The following TNRC18 variants were observed in gnomAD, a reference collection of about 807,000 sequenced individuals.
TNRC18 encodes trinucleotide repeat-containing gene 18 protein.
In TNRC18, 69 loss-of-function variants were observed where a neutral mutation model predicts 226.7. The ratio of observed to expected loss-of-function variants is 0.30; its 90% confidence interval spans 0.25 to 0.37. The LOEUF (loss-of-function observed/expected upper bound fraction) is 0.37. TNRC18 is among the 10% of genes least tolerant of loss of function. TNRC18 has a pLI of 1.00. For synonymous variants in TNRC18, 2,449 were observed against 1,927.6 expected (o/e 1.27, Z -7.09); for missense variants, 4,754 against 4,256.6 (o/e 1.12, Z -3.25).
chr7:5,419,119 C>T (rs763854967), intron 2 of TNRC18, among the ~76,000 whole-genome samples: 25 of 152,256 alleles, frequency 1.6e-4, no homozygotes, highest in Non-Finnish European at 3.4e-4. Context: ...CTACCTCCCG[C>T]TGGGCTTCCG....
At position 5,362,495 on chromosome 7, in the gene TNRC18, G is replaced by C. The variant is rs77227136; in HGVS notation, c.4395+155C>G. On this transcript the variant is annotated intron_variant, in intron 12 of 29. Transcript: ENST00000430969. ...CCCGAGAAGGGCAACCACTTGACTGGGACCACACAGCACATCAGCACAAGG... is the reference window on the plus strand; with the variant it reads ...CCCGAGAAGGGCAACCACTTGACTGCGACCACACAGCACATCAGCACAAGG... 5.4e-3 allele frequency among the ~76,000 whole-genome samples: 822 copies of C among 152,164 alleles called. 7 individuals are homozygous for C. The highest frequency in any genetic ancestry group is 0.019 in the African/African-American group (785 of 41,500).
chr7:5,377,574 T>A lies in TNRC18; in HGVS notation c.2258A>T (p.Glu753Val), dbSNP rs369365434. The A allele has an allele frequency of 1.3e-6, 2 of 1,576,356 alleles. No individual in the cohort carries two copies. Among genetic ancestry groups the A allele is most frequent in the African/African-American group, 2.7e-5 (2 of 74,070 alleles). ...LDRDQEKLLR[E>V]SKELADLARL... Reference sequence around the variant, plus strand: ...GGCCAGGTCAGCCAGCTCCTTACTCTCTCTGGAAGGAGGATCATAGGTGTC... The same window carrying A: ...GGCCAGGTCAGCCAGCTCCTTACTCACTCTGGAAGGAGGATCATAGGTGTC... Residue 753 changes from glutamate (E) to valine (V), a missense_variant and splice_region_variant, in exon 7 of 30, where the codon GAG becomes GTG. Glu to Val is a moderately radical substitution (Grantham distance 121). Transcript: ENST00000430969. The surrounding 1 kb of genome is among the most constrained non-coding windows in gnomAD (Gnocchi z 5.8).
At position 5,415,858 on chromosome 7, in the gene TNRC18, G is replaced by A. The variant is rs1310582779; in HGVS notation, c.187+5202C>T. On this transcript the variant is annotated intron_variant, in intron 2 of 29. Transcript: ENST00000430969. ...GTGGTGGCTCACGCCTGTAATCCCA[G>A]CACTTTGGGAGGCCTAGGTGGGTGG... Among the ~76,000 whole-genome samples the A allele has an allele frequency of 2.0e-5, 3 of 151,256 alleles. No individual in the cohort carries two copies. The East Asian group carries it at 6.0e-4, about 30-fold the overall frequency.
chr7:5,420,887 C>T, intron 2 of TNRC18, 173 bp downstream of exon 2: 2 of 838,968 alleles, frequency 2.4e-6, no homozygotes, highest in Non-Finnish European at 4.0e-6. Context: ...CACTCTCCAC[C>T]GCCTTGGCTC....
intron 16 of TNRC18, among the ~76,000 whole-genome samples, chr7:5,353,432 G>T (rs1166505989): frequency 7.9e-5 from 12 of 151,904 alleles, no homozygotes; most frequent in Admixed American, 4.6e-4. Context: ...AGTGGACAGG[G>T]CCTGTTATCC....
intron 15 of TNRC18, among the ~76,000 whole-genome samples, chr7:5,357,953 C>T (rs959095516): frequency 2.0e-5 from 3 of 152,188 alleles, no homozygotes; most frequent in Admixed American, 6.5e-5. Context: ...CCTGGCTTTC[C>T]GTGGCACTGC....
At chr7:5,327,393 G>GTC (rs1562497312) in intron 19 of TNRC18, among the ~76,000 whole-genome samples, 3 of 147,290 alleles carry the variant, frequency 2.0e-5, no homozygotes, top group Non-Finnish European at 4.5e-5. Context: ...GTGTGTGTGT[G>GTC]TGTGTGTGTG....
intron 11 of TNRC18, among the ~76,000 whole-genome samples, chr7:5,366,134 G>C (rs753037533): frequency 1.3e-5 from 2 of 151,810 alleles, no homozygotes; most frequent in South Asian, 2.1e-4. Flanking sequence ...CTATTCATTC[G>C]CATCTCTGCT....
rs374636776 is a variant in TNRC18 at position 5,320,286 on chromosome 7, G to A, written c.6745+32C>T. 258 of 1,508,308 alleles carry A rather than the reference G, an allele frequency of 1.7e-4. 1 individual carries two copies. In the African/African-American group the frequency reaches 2.0e-3, roughly 12 times the overall value. The allele number at this position is 1,508,308 out of a possible 1,614,324, so 93.4% of individuals were successfully genotyped here. A position where few individuals can be genotyped will look rare whatever the true frequency, so the allele number is the denominator to read the frequency against. On this transcript the variant is annotated intron_variant, in intron 24 of 29. Transcript: ENST00000430969. ...ACAAGTCCATACTGAGATGTTAGGCGGCAGGGGAGAGCTGGGGAGGAGGCA... is the reference window on the plus strand; with the variant it reads ...ACAAGTCCATACTGAGATGTTAGGCAGCAGGGGAGAGCTGGGGAGGAGGCA...
chr7:5,376,015 C>T lies in TNRC18; in HGVS notation c.2799+19G>A. 2 of 1,576,822 alleles carry T rather than the reference C, an allele frequency of 1.3e-6. No individual in the cohort carries two copies. The highest frequency in any genetic ancestry group is 1.7e-6 in the Non-Finnish European group (2 of 1,163,378). On this transcript the variant is annotated intron_variant, in intron 9 of 29. Transcript: ENST00000430969. ...TGGGGGCCCCCAGAGGGAGCTGCGC[C>T]TCATCCTCCCCGACTTACCACGAGC... is the stretch of plus-strand genomic sequence containing the variant.
Position 5,388,531 on chromosome 7 carries a change from C to A in TNRC18, c.1293G>T (p.Ser431=). ...GCGGCCGCTTGAGCGAGCGGATGAC[C>A]GAGTTCTTCTCGCGCAGGCCCTCGG... The part of the protein sequence containing the change: ...DRPEGLREKN[S]VIRSLKRPPP... Residue 431 remains serine, a synonymous_variant, in exon 5 of 30, where the codon TCG becomes TCT. Coordinates refer to ENST00000430969, the MANE Select transcript of TNRC18 (RefSeq NM_001080495.3). The A allele has an allele frequency of 7.6e-7, 1 of 1,318,974 alleles. No homozygotes were observed. Among genetic ancestry groups the A allele is most frequent in the Non-Finnish European group, 9.6e-7 (1 of 1,038,380 alleles). The allele number at this position is 1,318,974 out of a possible 1,614,324, so 81.7% of individuals were successfully genotyped here. A position where few individuals can be genotyped will look rare whatever the true frequency, so the allele number is the denominator to read the frequency against.
chr7:5,392,943 C>T (rs1478114916), intron 3 of TNRC18, among the ~76,000 whole-genome samples: 6 of 151,936 alleles, frequency 3.9e-5, no homozygotes, highest in South Asian at 2.1e-4. Context: ...GCCTGGGAGG[C>T]GGAGGTTGCA....
chr7:5,312,103 T>C lies in TNRC18; in HGVS notation c.8388+400A>G, dbSNP rs1160636104. The stretch of plus-strand genomic sequence containing the variant: ...GTAAGCCAAGATCACACCACCACAC[T>C]CCAGCCTGGGCAACAGAGAGAGACT... On this transcript the variant is annotated intron_variant, in intron 27 of 29. Coordinates refer to ENST00000430969, the MANE Select transcript of TNRC18 (RefSeq NM_001080495.3). The surrounding 1 kb of genome is among the most constrained non-coding windows in gnomAD (Gnocchi z 6.3). 2.6e-5 allele frequency among the ~76,000 whole-genome samples: 4 copies of C among 152,060 alleles called. No homozygotes were observed. The highest frequency in any genetic ancestry group is 5.9e-5 in the Non-Finnish European group (4 of 68,006).
chr7:5,368,538 C>T (rs2128169919), intron 11 of TNRC18, among the ~76,000 whole-genome samples: 1 of 151,766 alleles, frequency 6.6e-6, no homozygotes, highest in East Asian at 1.9e-4. Context: ...GTGGTGCGTG[C>T]CTGTAATCCC....
chr7:5,376,974 C>T lies in TNRC18; in HGVS notation c.2481G>A (p.Leu827=). 6.3e-7 allele frequency: 1 copy of T among 1,583,988 alleles called. No individual in the cohort carries two copies. The highest frequency in any genetic ancestry group is 8.6e-7 in the Non-Finnish European group (1 of 1,165,470). Residue 827 remains leucine, a synonymous_variant, in exon 8 of 30, where the codon CTG becomes CTA. Coordinates refer to ENST00000430969, the MANE Select transcript of TNRC18 (RefSeq NM_001080495.3). ...GHPYGLGPPS[L]HQGMAPAFPP... is the part of the protein sequence containing the mutation. ...GGAACGCAGGGGCCATGCCCTGGTGCAGAGATGGGGGACCCAAGCCTAGGA... is the reference window on the plus strand; with the variant it reads ...GGAACGCAGGGGCCATGCCCTGGTGTAGAGATGGGGGACCCAAGCCTAGGA...
chr7:5,395,035 A>G (rs1641570599), intron 2 of TNRC18, among the ~76,000 whole-genome samples: 2 of 152,078 alleles, frequency 1.3e-5, no homozygotes, highest in South Asian at 4.1e-4. Context: ...TCATATGCTG[A>G]GCTCTGCAGG....
chr7:5,342,309 A>C (rs1790761707), intron 18 of TNRC18, among the ~76,000 whole-genome samples: 1 of 152,040 alleles, frequency 6.6e-6, no homozygotes, highest in Non-Finnish European at 1.5e-5. Context: ...GGCACTTGTA[A>C]TTCCAGCTAC....
rs537276511 is a variant in TNRC18 at position 5,307,967 on chromosome 7, C to T, written c.*139G>A. ...GCACACACACTCACCCGGGCATCCACGTGCACACCTGGCCCCATGCACACG... is the reference window on the plus strand; with the variant it reads ...GCACACACACTCACCCGGGCATCCATGTGCACACCTGGCCCCATGCACACG... On this transcript the variant is annotated 3_prime_UTR_variant, in exon 30 of 30. Coordinates refer to ENST00000430969, the MANE Select transcript of TNRC18 (RefSeq NM_001080495.3). The T allele has an allele frequency of 1.3e-5, 10 of 746,948 alleles. No individual in the cohort carries two copies. The highest frequency in any genetic ancestry group is 8.1e-5 in the East Asian group (3 of 36,978). 46.3% of individuals were successfully genotyped at this position (746,948 alleles called of 1,614,324 possible).
Position 5,376,946 on chromosome 7 carries a change from G to C in TNRC18, c.2509C>G (p.Pro837Ala), listed in dbSNP as rs1779023731. The C allele has an allele frequency of 1.3e-6, 2 of 1,594,700 alleles. No individual in the cohort carries two copies. Among genetic ancestry groups the C allele is most frequent in the African/African-American group, 1.3e-5 (1 of 74,568 alleles). The change falls in exon 8 of 30, where the codon CCT (proline) becomes GCT (alanine). Residue 837 changes from proline (P) to alanine (A), a missense_variant. By Grantham distance (27) the Pro-to-Ala change is conservative. Coordinates refer to ENST00000430969, the MANE Select transcript of TNRC18 (RefSeq NM_001080495.3). ...LHQGMAPAFP[P>A]GLGGSLPSAY... Reference sequence around the variant, plus strand: ...GACGGGAGGGAGCCCCCCAGGCCAGGTGGGAACGCAGGGGCCATGCCCTGG... The same window carrying C: ...GACGGGAGGGAGCCCCCCAGGCCAGCTGGGAACGCAGGGGCCATGCCCTGG...
Sources: gnomAD v4.1 joint callset for allele counts (sites outside exome capture counted in the v4.1 genomes callset) on GRCh38, gnomAD v4.1.1 for gene constraint, Gnocchi (gnomAD v3.1) non-coding constraint, MANE v1.5 for transcripts, NCBI Gene and HGNC (gene_info 2026-07-23, HGNC 2026-07-21) for gene names.